AGMO: variants seen among roughly 807,000 people sequenced by gnomAD.
AGMO encodes glyceryl-ether monooxygenase.
In AGMO, 75 loss-of-function variants were observed where a neutral mutation model predicts 60.2. The observed-to-expected ratio is 1.25, with a 90% CI of 1.03 to 1.51. AGMO has a LOEUF of 1.51. AGMO is among the 40% of genes most tolerant of loss of function. The pLI is 0.00. For synonymous variants in AGMO, 261 were observed against 177.1 expected, an observed-to-expected ratio of 1.47 and a Z score of -3.76; for missense variants, 763 against 525.5, an observed-to-expected ratio of 1.45 and a Z score of -4.42.
At position 15,292,344 on chromosome 7, in the gene AGMO, T is replaced by C. The variant is rs990098474; in HGVS notation, c.1263+73170A>G. On this transcript the variant is annotated intron_variant, in intron 12 of 12. Transcript: ENST00000342526. ...TTGAGAGCTCCCTTGGTGATTCTAATGTGCAGCCACAACTGAGAAGCAATT... is the reference window on the plus strand; with the variant it reads ...TTGAGAGCTCCCTTGGTGATTCTAACGTGCAGCCACAACTGAGAAGCAATT... Among the ~76,000 whole-genome samples the C allele has an allele frequency of 1.1e-4, 16 of 152,158 alleles. 1 individual carries two copies. Among genetic ancestry groups the C allele is most frequent in the Admixed American group, 2.0e-4 (3 of 15,286 alleles).
intron 12 of AGMO, among the ~76,000 whole-genome samples, chr7:15,329,162 A>G (rs534893975): frequency 6.6e-6 from 1 of 152,286 alleles, no homozygotes; most frequent in Admixed American, 6.5e-5. Flanking sequence ...GCTAGAAAAC[A>G]TCTTTCTCTA....
At chr7:15,411,850 G>A (rs747889852) in intron 5 of AGMO, among the ~76,000 whole-genome samples, 27 of 151,940 alleles carry the variant, frequency 1.8e-4, no homozygotes, top group Non-Finnish European at 3.5e-4. Flanking sequence ...AATGGAGATA[G>A]TTACCTAAAA....
chr7:15,254,047 T>G (rs1783023618), intron 12 of AGMO, among the ~76,000 whole-genome samples: 1 of 152,148 alleles, frequency 6.6e-6, no homozygotes, highest in South Asian at 2.1e-4. Flanking sequence ...ATGATAGAAT[T>G]TTATCATTTT....
chr7:15,397,087 T>G (rs747181760), intron 5 of AGMO, among the ~76,000 whole-genome samples: 18 of 152,114 alleles, frequency 1.2e-4, no homozygotes, highest in Non-Finnish European at 2.2e-4. Context: ...CACCTGTCAC[T>G]GGCACCCGCC....
chr7:15,454,192 G>A (rs564738220), intron 3 of AGMO, among the ~76,000 whole-genome samples: 180 of 151,834 alleles, frequency 1.2e-3, no homozygotes, highest in African/African-American at 4.1e-3. Flanking sequence ...TTAAAAAAAG[G>A]AAAAAAGAAA....
At chr7:15,556,798 G>A (rs550032072) in intron 2 of AGMO, among the ~76,000 whole-genome samples, 1 of 151,948 alleles carries the variant, frequency 6.6e-6, no homozygotes, top group Non-Finnish European at 1.5e-5. Context: ...TGTTAGAAAC[G>A]CAGATTATCT....
At chr7:15,223,622 A>T (rs1781986804) in intron 12 of AGMO, among the ~76,000 whole-genome samples, 1 of 151,986 alleles carries the variant, frequency 6.6e-6, no homozygotes, top group Admixed American at 6.6e-5. Flanking sequence ...ATGTTTACAT[A>T]TAAGAATTAT....
chr7:15,290,304 G>A (rs1784226273), intron 12 of AGMO, among the ~76,000 whole-genome samples: 1 of 152,108 alleles, frequency 6.6e-6, no homozygotes. Flanking sequence ...TGGGATTACA[G>A]GTGTGAGCCA....
intron 12 of AGMO, among the ~76,000 whole-genome samples, chr7:15,242,341 G>T (rs755977799): frequency 6.6e-6 from 1 of 152,116 alleles, no homozygotes; most frequent in South Asian, 2.1e-4. Context: ...CAGATAGTGA[G>T]AACTAAATTT....
chr7:15,278,462 G>C (rs893744002), intron 12 of AGMO, among the ~76,000 whole-genome samples: 23 of 152,062 alleles, frequency 1.5e-4, no homozygotes, highest in African/African-American at 5.1e-4. Flanking sequence ...CAGTGAACTA[G>C]TTCTCAGGGC....
chr7:15,285,374 A>C (rs1225113853), intron 12 of AGMO, among the ~76,000 whole-genome samples: 2 of 152,072 alleles, frequency 1.3e-5, no homozygotes, highest in Non-Finnish European at 2.9e-5. Flanking sequence ...AATTCAGTAA[A>C]CTCTCAGGTT....
intron 4 of AGMO, among the ~76,000 whole-genome samples, chr7:15,426,694 G>T (rs538708721): frequency 6.6e-6 from 1 of 151,998 alleles, no homozygotes; most frequent in Non-Finnish European, 1.5e-5. Context: ...GGTTGCAGTG[G>T]GCTGAGACAC....
chr7:15,485,488 TAATC>T (rs759394495), intron 3 of AGMO, among the ~76,000 whole-genome samples: 2 of 152,166 alleles, frequency 1.3e-5, no homozygotes, highest in East Asian at 3.9e-4. Flanking sequence ...TTAGCAGACT[TAATC>T]AATTTTCTCA....
chr7:15,542,255 G>A (rs1265150940), intron 3 of AGMO, among the ~76,000 whole-genome samples: 1 of 152,070 alleles, frequency 6.6e-6, no homozygotes, highest in Non-Finnish European at 1.5e-5. Context: ...TTGAACTTAC[G>A]GTTTGGCTCC....
At chr7:15,508,083 C>T (rs1457292447) in intron 3 of AGMO, among the ~76,000 whole-genome samples, 1 of 152,000 alleles carries the variant, frequency 6.6e-6, no homozygotes, top group Non-Finnish European at 1.5e-5. Flanking sequence ...CTTAAAATAG[C>T]ACCAAAAGGG....
At chr7:15,463,184 G>A (rs774534276) in intron 3 of AGMO, among the ~76,000 whole-genome samples, 3 of 152,128 alleles carry the variant, frequency 2.0e-5, no homozygotes, top group Admixed American at 6.6e-5. Context: ...TATACAGAAA[G>A]TATTTATAAG....
chr7:15,354,537 T>G (rs1282169894), intron 12 of AGMO, among the ~76,000 whole-genome samples: 2 of 94,234 alleles, frequency 2.1e-5, no homozygotes, highest in African/African-American at 7.2e-5. Flanking sequence ...TATATATATA[T>G]ATAGCTCCCC....
intron 4 of AGMO, among the ~76,000 whole-genome samples, chr7:15,418,867 G>A (rs1780853591): frequency 6.6e-6 from 1 of 151,658 alleles, no homozygotes; most frequent in Non-Finnish European, 1.5e-5. Context: ...CTTTGATTTT[G>A]CATTTAATAT....
chr7:15,523,436 T>C (rs2128536793), intron 3 of AGMO, among the ~76,000 whole-genome samples: 1 of 152,338 alleles, frequency 6.6e-6, no homozygotes, highest in Admixed American at 6.5e-5. Flanking sequence ...CCCACTCAAA[T>C]GCCCATCCAT....
Sources: allele counts gnomAD v4.1 joint callset (sites outside exome capture counted in the v4.1 genomes callset), GRCh38; gene constraint gnomAD v4.1.1; transcripts MANE v1.5; gene names NCBI Gene and HGNC (gene_info 2026-07-23, HGNC 2026-07-21).